Variants in GSE1 observed in about 807,000 individuals in gnomAD.
The protein encoded by GSE1 is Gse1 coiled-coil protein.
In GSE1, 32 loss-of-function variants were observed where a neutral mutation model predicts 112.6. That is an observed-to-expected ratio of 0.28 (90% CI 0.21 to 0.38). The LOEUF is 0.38. Ranked by LOEUF, GSE1 falls within the 10% of genes least tolerant of loss-of-function variation. GSE1 has a pLI of 1.00. For synonymous variants in GSE1, 1,115 were observed against 735.6 expected (o/e 1.52, Z -8.35); for missense variants, 2,348 against 1,699.2 (o/e 1.38, Z -6.71).
intron 1 of GSE1, among the ~76,000 whole-genome samples, chr16:85,208,359 C>G (rs2075157237): frequency 6.6e-6 from 1 of 152,198 alleles, no homozygotes; most frequent in Non-Finnish European, 1.5e-5. Context: ...CCCGTGGCAT[C>G]TCGGCTGGTG....
intron 8 of GSE1, among the ~76,000 whole-genome samples, chr16:85,657,946 T>A (rs548725204): frequency 5.3e-5 from 8 of 152,220 alleles, no homozygotes; most frequent in Admixed American, 5.2e-4. Context: ...TTACTAATAA[T>A]ACCTGTTCTC....
chr16:85,539,417 G>C (rs575826911), intron 2 of GSE1, among the ~76,000 whole-genome samples: 6 of 152,214 alleles, frequency 3.9e-5, no homozygotes, highest in African/African-American at 1.2e-4. Flanking sequence ...CTTTAGCAGG[G>C]ACAAAAGCTG....
chr16:85,182,899 G>A (rs1239676229), intron 1 of GSE1, among the ~76,000 whole-genome samples: 10 of 151,634 alleles, frequency 6.6e-5, no homozygotes, highest in African/African-American at 9.7e-5. Flanking sequence ...CCTCCCTCTC[G>A]CACACACGCA....
intron 2 of GSE1, among the ~76,000 whole-genome samples, chr16:85,499,770 C>A (rs2151910286): frequency 6.6e-6 from 1 of 152,302 alleles, no homozygotes; most frequent in East Asian, 1.9e-4. Flanking sequence ...CCCTCCAGTA[C>A]CATTTTATAC....
intron 1 of GSE1, among the ~76,000 whole-genome samples, chr16:85,207,006 G>C (rs1046859128): frequency 6.6e-6 from 1 of 152,162 alleles, no homozygotes; most frequent in Non-Finnish European, 1.5e-5. Context: ...GGCTGGCCTC[G>C]CAGTGACATG....
chr16:85,589,802 G>A (rs2046897890), intron 1 of GSE1, among the ~76,000 whole-genome samples: 2 of 152,056 alleles, frequency 1.3e-5, no homozygotes, highest in African/African-American at 2.4e-5. Context: ...TGTGTGAGAC[G>A]TGTGTGAATG....
intron 2 of GSE1, among the ~76,000 whole-genome samples, chr16:85,388,502 G>A (rs992645223): frequency 6.7e-5 from 10 of 150,096 alleles, no homozygotes; most frequent in African/African-American, 1.7e-4. Flanking sequence ...GTGGATGGAT[G>A]GATGGATGGA....
intron 1 of GSE1, among the ~76,000 whole-genome samples, chr16:85,218,384 T>G (rs1050651326): frequency 6.6e-6 from 1 of 152,182 alleles, no homozygotes; most frequent in Non-Finnish European, 1.5e-5. Context: ...TAGAACACAG[T>G]GCATATTCTC....
chr16:85,309,602 G>A (rs1488699132), intron 1 of GSE1, among the ~76,000 whole-genome samples: 1 of 152,228 alleles, frequency 6.6e-6, no homozygotes, highest in Non-Finnish European at 1.5e-5. Flanking sequence ...CGAGGCACGT[G>A]GCCCACCCCC....
chr16:85,625,882 G>T (rs2049033705), intron 1 of GSE1, among the ~76,000 whole-genome samples: 1 of 152,138 alleles, frequency 6.6e-6, no homozygotes, highest in Non-Finnish European at 1.5e-5. Flanking sequence ...CGTGGCAGAG[G>T]ACAGGTCTAC....
At chr16:85,412,654 A>G (rs1171688699) in intron 2 of GSE1, among the ~76,000 whole-genome samples, 1 of 46,382 alleles carries the variant, frequency 2.2e-5, no homozygotes, top group African/African-American at 9.2e-5. Flanking sequence ...CCTCACCGTT[A>G]CACTCAGGGC....
intron 2 of GSE1, among the ~76,000 whole-genome samples, chr16:85,527,740 G>C (rs1182400970): frequency 6.6e-6 from 1 of 151,612 alleles, no homozygotes; most frequent in African/African-American, 2.4e-5. Flanking sequence ...GGAAGAGAGC[G>C]CACGGGCTTG....
chr16:85,418,380 C>G (rs571024868), intron 2 of GSE1, among the ~76,000 whole-genome samples: 2 of 152,364 alleles, frequency 1.3e-5, no homozygotes, highest in South Asian at 2.1e-4. Flanking sequence ...ATGCAGCCCA[C>G]TCGCTGCCTT....
At chr16:85,458,533 T>C (rs928359455) in intron 2 of GSE1, among the ~76,000 whole-genome samples, 1 of 152,084 alleles carries the variant, frequency 6.6e-6, no homozygotes, top group Non-Finnish European at 1.5e-5. Flanking sequence ...GAGAGGCTGG[T>C]TGAGCTGGGC....
At chr16:85,240,482 CT>C (rs1386503446) in intron 1 of GSE1, among the ~76,000 whole-genome samples, 1 of 152,252 alleles carries the variant, frequency 6.6e-6, no homozygotes, top group Non-Finnish European at 1.5e-5. Context: ...TGCTGCTGGC[CT>C]TTCCTGCCAG....
At chr16:85,446,852 G>A (rs959648622) in intron 2 of GSE1, among the ~76,000 whole-genome samples, 1 of 152,202 alleles carries the variant, frequency 6.6e-6, no homozygotes, top group Admixed American at 6.5e-5. Context: ...GTTCCTCCCA[G>A]GGCCCGCAAC....
intron 1 of GSE1, among the ~76,000 whole-genome samples, chr16:85,616,088 A>G (rs1238333838): frequency 6.6e-6 from 1 of 152,222 alleles, no homozygotes; most frequent in Non-Finnish European, 1.5e-5. Flanking sequence ...TGGGCTCAGC[A>G]TCGCCGGCCC....
chr16:85,572,773 T>C (rs558610320), intron 1 of GSE1, among the ~76,000 whole-genome samples: 6 of 152,252 alleles, frequency 3.9e-5, no homozygotes, highest in African/African-American at 1.4e-4. Context: ...CAAGGGGTCA[T>C]TGTGGGCTTT....
At chr16:85,327,815 C>T (rs543708622) in intron 1 of GSE1, among the ~76,000 whole-genome samples, 3 of 152,226 alleles carry the variant, frequency 2.0e-5, no homozygotes, top group East Asian at 1.9e-4. Context: ...ACTGAGGTCC[C>T]GGGGGGAGAG....
Sources: allele counts gnomAD v4.1 joint callset (sites outside exome capture counted in the v4.1 genomes callset), GRCh38; gene constraint gnomAD v4.1.1; transcripts MANE v1.5; gene names NCBI Gene and HGNC (gene_info 2026-07-23, HGNC 2026-07-21).